Variants in GALNT17 observed in about 807,000 individuals in gnomAD.
GALNT17 encodes UDP-GalNAc:polypeptide N-acetylgalactosaminyltransferase-like 3.
GALNT17 carries 29 observed loss-of-function variants against 63.7 expected under a neutral mutation model. The observed-to-expected ratio is 0.46, with a 90% CI of 0.34 to 0.62. GALNT17 has a LOEUF of 0.62. Among genes scored for constraint, GALNT17 ranks in the 20% least tolerant of loss-of-function variants. The probability of loss-of-function intolerance (pLI) is 0.01; values close to 1 mark genes in which losing one functional copy is unlikely to be tolerated. For synonymous variants in GALNT17, 305 were observed against 318.3 expected, an observed-to-expected ratio of 0.96 and a Z score of 0.45; for missense variants, 603 against 799.6, an observed-to-expected ratio of 0.75 and a Z score of 2.97.
In GALNT17 at chr7:71,693,309, CAT is replaced by C. The variant is rs369668179; in HGVS notation, c.1500+16014_1500+16015del. Among the ~76,000 whole-genome samples, 13 of 124,176 alleles carry C rather than the reference CAT, an allele frequency of 1.0e-4. 2 individuals carry two copies. In the East Asian group the frequency reaches 1.4e-3, roughly 14 times the overall value. The allele number at this position is 124,176 out of a possible 152,430, so 81.5% of individuals were successfully genotyped here. ...ACACACACACACACACACACACACA[CAT>C]ATATATATATGGAGACAAGACCAAA... On this transcript the variant is annotated intron_variant, in intron 9 of 10. Transcript: ENST00000333538.
At chr7:71,439,512 G>T (rs778264420) in intron 5 of GALNT17, among the ~76,000 whole-genome samples, 2 of 152,150 alleles carry the variant, frequency 1.3e-5, no homozygotes, top group Non-Finnish European at 2.9e-5. Flanking sequence ...CTTTCTCTGC[G>T]ATGACAAGCA....
At chr7:71,441,585 G>A (rs764431420) in intron 5 of GALNT17, among the ~76,000 whole-genome samples, 3 of 152,030 alleles carry the variant, frequency 2.0e-5, no homozygotes, top group East Asian at 1.9e-4. Flanking sequence ...GGTCATCTAG[G>A]TTTTAAGCCC....
At chr7:71,609,504 G>A (rs1790094280) in intron 6 of GALNT17, among the ~76,000 whole-genome samples, 1 of 152,136 alleles carries the variant, frequency 6.6e-6, no homozygotes, top group African/African-American at 2.4e-5. Flanking sequence ...AACAGAGAGA[G>A]AGAAAGAGAG....
At chr7:71,517,798 T>C (rs1788468452) in intron 5 of GALNT17, among the ~76,000 whole-genome samples, 1 of 152,162 alleles carries the variant, frequency 6.6e-6, no homozygotes. Flanking sequence ...AGTAGGGAGA[T>C]AGACATGGAA....
chr7:71,280,649 G>A (rs1039632409), intron 1 of GALNT17, among the ~76,000 whole-genome samples: 20 of 152,198 alleles, frequency 1.3e-4, no homozygotes, highest in Non-Finnish European at 1.0e-4. Context: ...TTTAAGCAAT[G>A]GGACTCTGCC....
At chr7:71,225,220 C>T (rs1468474405) in intron 1 of GALNT17, among the ~76,000 whole-genome samples, 1 of 152,204 alleles carries the variant, frequency 6.6e-6, no homozygotes, top group Non-Finnish European at 1.5e-5. Flanking sequence ...CTGCCCGCCT[C>T]AGCCTCCCAA....
In GALNT17 at chr7:71,350,353, T is replaced by A. The variant is rs575504914; in HGVS notation, c.422+14620T>A. Among the ~76,000 whole-genome samples the A allele has an allele frequency of 5.9e-5, 9 of 152,236 alleles. No homozygotes were observed. The South Asian group carries it at 1.9e-3, about 32-fold the overall frequency. ...GTTGAGGTTATAAGGGGGAGACAGA[T>A]GATAAACTGGGAAAAATAAACACGA... On this transcript the variant is annotated intron_variant, in intron 2 of 10. Transcript: ENST00000333538.
chr7:71,253,263 A>G (rs1790232394), intron 1 of GALNT17, among the ~76,000 whole-genome samples: 2 of 152,222 alleles, frequency 1.3e-5, no homozygotes, highest in Non-Finnish European at 2.9e-5. Context: ...AGGCCTTACA[A>G]TCATGGCGGA....
intron 5 of GALNT17, among the ~76,000 whole-genome samples, chr7:71,565,292 C>T (rs12333797): frequency 0.12 from 17,693 of 151,612 alleles, 1,590 homozygotes; most frequent in African/African-American, 0.25. Flanking sequence ...AGGCTCCTGA[C>T]GGGGAAAGAT....
chr7:71,425,280 G>A (rs1786737577), intron 5 of GALNT17, among the ~76,000 whole-genome samples: 1 of 151,984 alleles, frequency 6.6e-6, no homozygotes, highest in Non-Finnish European at 1.5e-5. Context: ...CTGAGTGCAG[G>A]GGAGCGATCT....
chr7:71,312,624 T>C (rs1377122582), intron 1 of GALNT17, among the ~76,000 whole-genome samples: 1 of 152,120 alleles, frequency 6.6e-6, no homozygotes, highest in Non-Finnish European at 1.5e-5. Context: ...GGTAGTGACC[T>C]TCTCACTCCC....
At chr7:71,522,352 T>C (rs1321661108) in intron 5 of GALNT17, among the ~76,000 whole-genome samples, 3 of 152,208 alleles carry the variant, frequency 2.0e-5, no homozygotes, top group Non-Finnish European at 4.4e-5. Context: ...GATAAAGACA[T>C]ACCGAAGACT....
At chr7:71,436,692 C>G (rs998453121) in intron 5 of GALNT17, among the ~76,000 whole-genome samples, 3 of 151,154 alleles carry the variant, frequency 2.0e-5, no homozygotes, top group African/African-American at 7.3e-5. Context: ...GCACTCCAGC[C>G]TGGGCGACAG....
At chr7:71,267,438 A>C (rs1207912385) in intron 1 of GALNT17, among the ~76,000 whole-genome samples, 1 of 152,126 alleles carries the variant, frequency 6.6e-6, no homozygotes, top group Non-Finnish European at 1.5e-5. Flanking sequence ...TAATAGGTAG[A>C]AATGACTTTG....
At chr7:71,190,188 G>T (rs1476776631) in intron 1 of GALNT17, among the ~76,000 whole-genome samples, 1 of 152,142 alleles carries the variant, frequency 6.6e-6, no homozygotes, top group Non-Finnish European at 1.5e-5. Context: ...TAAGAAAAAA[G>T]TTGCACAAGA....
At chr7:71,353,942 C>T (rs947371311) in intron 2 of GALNT17, among the ~76,000 whole-genome samples, 13 of 152,106 alleles carry the variant, frequency 8.5e-5, no homozygotes, top group Non-Finnish European at 1.2e-4. Flanking sequence ...GGGGAGGCCT[C>T]AGGAAACTTA....
intron 6 of GALNT17, among the ~76,000 whole-genome samples, chr7:71,633,760 T>C (rs1045590173): frequency 4.6e-5 from 7 of 152,334 alleles, no homozygotes; most frequent in South Asian, 4.1e-4. Flanking sequence ...GACAAGCCTC[T>C]CACTCATTCC....
intron 1 of GALNT17, among the ~76,000 whole-genome samples, chr7:71,277,434 A>G (rs1331806168): frequency 6.6e-6 from 1 of 152,202 alleles, no homozygotes; most frequent in Non-Finnish European, 1.5e-5. Context: ...CCTAAACCTC[A>G]GCATCACACA....
At chr7:71,493,747 C>T (rs552754330) in intron 5 of GALNT17, among the ~76,000 whole-genome samples, 1 of 152,280 alleles carries the variant, frequency 6.6e-6, no homozygotes, top group African/African-American at 2.4e-5. Context: ...CTATCAGTGC[C>T]TTTTCTTCCC....
Sources: gnomAD v4.1 joint callset for allele counts (sites outside exome capture counted in the v4.1 genomes callset) on GRCh38, gnomAD v4.1.1 for gene constraint, MANE v1.5 for transcripts, NCBI Gene and HGNC (gene_info 2026-07-23, HGNC 2026-07-21) for gene names.